MMP24: variants seen among roughly 807,000 people sequenced by gnomAD.
MMP24 encodes matrix metallopeptidase 24, also known as matrix metalloproteinase-24.
Under a neutral mutation model 62.8 loss-of-function variants are expected in MMP24, and 25 were observed. That is an observed-to-expected ratio of 0.40 (90% CI 0.29 to 0.56). The LOEUF is 0.56. MMP24 is among the 20% of genes least tolerant of loss of function. MMP24 has a pLI of 0.50. For synonymous variants in MMP24, 319 were observed against 350.5 expected (o/e 0.91, Z 1.00); for missense variants, 634 against 853.6 (o/e 0.74, Z 3.21).
intron 1 of MMP24, among the ~76,000 whole-genome samples, chr20:35,243,298 C>A (rs1175185721): frequency 6.6e-6 from 1 of 152,170 alleles, no homozygotes; most frequent in East Asian, 1.9e-4. Context: ...GAAGCCGTCC[C>A]TGAGTTCCCC....
intron 1 of MMP24, among the ~76,000 whole-genome samples, chr20:35,239,447 A>G (rs910352326): frequency 6.6e-6 from 1 of 152,180 alleles, no homozygotes; most frequent in African/African-American, 2.4e-5. Flanking sequence ...TACTTGGTAC[A>G]TAGTAGGTCC....
chr20:35,242,951 GTGT>G lies in MMP24; in HGVS notation c.247-3888_247-3886del, dbSNP rs1467240402. ...CCAGCACTTTGGGAGGCCAAGGCAG[GTGT>G]ATCACTTGAGGTCAGGAGTTCAAGA... On this transcript the variant is annotated intron_variant, in intron 1 of 8. Coordinates refer to ENST00000246186, the MANE Select transcript of MMP24 (RefSeq NM_006690.4). Among the ~76,000 whole-genome samples, 4 of 152,202 alleles carry G rather than the reference GTGT, an allele frequency of 2.6e-5. No individual in the cohort carries two copies. In the East Asian group the frequency reaches 7.7e-4, roughly 29 times the overall value.
intron 4 of MMP24, chr20:35,263,406 C>G (rs1012858068): frequency 1.9e-5 from 3 of 155,438 alleles, no homozygotes; most frequent in African/African-American, 7.3e-5. Context: ...CCCACCCTTC[C>G]TCTCCTGCCC....
Position 35,274,246 on chromosome 20 carries a change from G to A in MMP24, c.1601-26G>A, listed in dbSNP as rs181182578. 23 of 1,573,758 alleles carry A rather than the reference G, an allele frequency of 1.5e-5. No individual in the cohort carries two copies. In the East Asian group the frequency reaches 4.5e-4, roughly 31 times the overall value. On this transcript the variant is annotated intron_variant, in intron 8 of 8. Coordinates refer to ENST00000246186, the MANE Select transcript of MMP24 (RefSeq NM_006690.4). The surrounding 1 kb of genome is among the most constrained non-coding windows in gnomAD (Gnocchi z 5.1). ...GCAGGTGCCGGAAGTGTCTGGGAGTGGTGATGCTGGGCTGTATTTCTGCAG... is the reference window on the plus strand; with the variant it reads ...GCAGGTGCCGGAAGTGTCTGGGAGTAGTGATGCTGGGCTGTATTTCTGCAG...
rs1184598450 is a variant in MMP24 at position 35,276,935 on chromosome 20, T to A, written c.*2326T>A. 1 of 152,698 alleles carries A rather than the reference T, an allele frequency of 6.5e-6. No homozygotes were observed. Among genetic ancestry groups the A allele is most frequent in the African/African-American group, 2.4e-5 (1 of 41,448 alleles). 9.5% of individuals were successfully genotyped at this position (152,698 alleles called of 1,614,324 possible). A position where few individuals can be genotyped will look rare whatever the true frequency, so the allele number is the denominator to read the frequency against. ...CACAGCATTTCAGTGTCAGTCACAT[T>A]TTAAACTGATCAGCCTTTGTATAAT... On this transcript the variant is annotated 3_prime_UTR_variant, in exon 9 of 9. Transcript: ENST00000246186.
intron 1 of MMP24, among the ~76,000 whole-genome samples, chr20:35,229,956 G>A (rs1337546227): frequency 6.6e-6 from 1 of 151,880 alleles, no homozygotes. Flanking sequence ...GCCCCAGCCA[G>A]TTTGTCATTT....
intron 1 of MMP24, among the ~76,000 whole-genome samples, chr20:35,238,804 T>G (rs2060475310): frequency 6.6e-6 from 1 of 152,182 alleles, no homozygotes; most frequent in Non-Finnish European, 1.5e-5. Flanking sequence ...TCTCCATCTC[T>G]CCAACCGGCT....
At chr20:35,252,658 C>G (rs1182405586) in intron 3 of MMP24, among the ~76,000 whole-genome samples, 2 of 152,234 alleles carry the variant, frequency 1.3e-5, no homozygotes, top group African/African-American at 2.4e-5. Flanking sequence ...TCTGGAGGAA[C>G]CAAGGGCAGA....
chr20:35,233,091 T>G (rs974712711), intron 1 of MMP24, among the ~76,000 whole-genome samples: 6 of 152,092 alleles, frequency 3.9e-5, no homozygotes, highest in Non-Finnish European at 7.4e-5. Flanking sequence ...CCACAAACAC[T>G]TACGAGGCAT....
chr20:35,263,938 T>G lies in MMP24; in HGVS notation c.965T>G (p.Ile322Ser). Residue 322 changes from isoleucine to serine, a missense_variant, in exon 5 of 9, where the codon ATC (isoleucine) becomes AGC (serine). Transcript: ENST00000246186. ...CTGCCCCAGGACGATCTCCAGGGCA[T>G]CCAGAAGATCTATGGTGTGTGGCAG... ...FKLPQDDLQGIQKIYGPPAEP... is the reference protein window; with the variant it reads ...FKLPQDDLQGSQKIYGPPAEP... 1.2e-6 allele frequency: 2 copies of G among 1,608,880 alleles called. No individual in the cohort carries two copies. Among genetic ancestry groups the G allele is most frequent in the Non-Finnish European group, 1.7e-6 (2 of 1,177,326 alleles).
At chr20:35,240,388 C>G (rs1191011119) in intron 1 of MMP24, among the ~76,000 whole-genome samples, 1 of 152,006 alleles carries the variant, frequency 6.6e-6, no homozygotes, top group Admixed American at 6.6e-5. Context: ...TGAGATTTTT[C>G]TTACTTTCCT....
At chr20:35,231,200 A>G (rs2060435910) in intron 1 of MMP24, among the ~76,000 whole-genome samples, 1 of 152,236 alleles carries the variant, frequency 6.6e-6, no homozygotes, top group Non-Finnish European at 1.5e-5. Flanking sequence ...CAATTATCAC[A>G]GGCCACATGA....
chr20:35,242,794 A>C (rs1478168458), intron 1 of MMP24, among the ~76,000 whole-genome samples: 1 of 152,224 alleles, frequency 6.6e-6, no homozygotes, highest in Admixed American at 6.5e-5. Flanking sequence ...ACTTGACCGC[A>C]AAAGATGAAC....
At position 35,271,540 on chromosome 20, in the gene MMP24, A is replaced by G. The variant is rs2146243325; in HGVS notation, c.1334-29A>G. Reference sequence around the variant, plus strand: ...GCAAACGGCACTGAGTGACTGGGGAAGCTGATCCTGGGCTCCTCTTGGCCA... The same window carrying G: ...GCAAACGGCACTGAGTGACTGGGGAGGCTGATCCTGGGCTCCTCTTGGCCA... On this transcript the variant is annotated intron_variant, in intron 7 of 8. Transcript: ENST00000246186. This position sits in a 1 kb window ranked among gnomAD's most constrained non-coding sequence, Gnocchi z 4.0. 6.2e-7 allele frequency: 1 copy of G among 1,602,068 alleles called. No individual in the cohort carries two copies. Among genetic ancestry groups the G allele is most frequent in the Middle Eastern group, 1.7e-4 (1 of 6,008 alleles).
In MMP24 at chr20:35,267,316, C is replaced by T. The variant is rs1418231524; in HGVS notation, c.1091C>T (p.Pro364Leu). The change falls in exon 6 of 9, where the codon CCG (proline) becomes CTG (leucine). Residue 364 changes from proline (P) to leucine (L), a missense_variant. This residue lies in a region of MMP24 where 399 missense variants were observed against 530.8 expected (regional missense o/e 0.75). Transcript: ENST00000246186. The stretch of plus-strand genomic sequence containing the variant: ...GAGCGCCAGCCCAGGCCCCCTCGGC[C>T]GCCCCTCGGGGACCGGCCATCCACA... ...KHERQPRPPR[P>L]PLGDRPSTPG... 2.5e-6 allele frequency: 4 copies of T among 1,593,718 alleles called. No individual in the cohort carries two copies. The highest frequency in any genetic ancestry group is 3.4e-6 in the Non-Finnish European group (4 of 1,170,890).
intron 4 of MMP24, among the ~76,000 whole-genome samples, chr20:35,258,016 T>C (rs2060583352): frequency 6.6e-6 from 1 of 152,220 alleles, no homozygotes; most frequent in African/African-American, 2.4e-5. Flanking sequence ...GGGAACTTTT[T>C]GAACTTATTA....
At position 35,226,698 on chromosome 20, in the gene MMP24, C is replaced by CGGCGAA. The variant is rs1384081452; in HGVS notation, c.-37_-32dup. On this transcript the variant is annotated 5_prime_UTR_variant, in exon 1 of 9. Coordinates refer to ENST00000246186, the MANE Select transcript of MMP24 (RefSeq NM_006690.4). ...CTGGCGGCCGAGGCGGCGGCGGCGG[C>CGGCGAA]GGCGAAGGCAGGCGGGCCGGGCGCG... 2 of 442,064 alleles carry CGGCGAA rather than the reference C, an allele frequency of 4.5e-6. No homozygotes were observed. The highest frequency in any genetic ancestry group is 5.9e-6 in the Non-Finnish European group (2 of 337,860). The allele number at this position is 442,064 out of a possible 1,614,324, so 27.4% of individuals were successfully genotyped here. A position where few individuals can be genotyped will look rare whatever the true frequency, so the allele number is the denominator to read the frequency against.
intron 1 of MMP24, among the ~76,000 whole-genome samples, chr20:35,228,155 G>T (rs2047250432): frequency 6.6e-6 from 1 of 152,114 alleles, no homozygotes; most frequent in African/African-American, 2.4e-5. Context: ...TTCTTAATTG[G>T]GCATGGAGCT....
At chr20:35,261,165 C>T (rs916972772) in intron 4 of MMP24, among the ~76,000 whole-genome samples, 5 of 152,182 alleles carry the variant, frequency 3.3e-5, no homozygotes, top group Admixed American at 1.3e-4. Context: ...CCCAAAGCTG[C>T]GGTTACTTCA....
Sources: gnomAD v4.1 joint callset for allele counts (sites outside exome capture counted in the v4.1 genomes callset) on GRCh38, gnomAD v4.1.1 for gene constraint, gnomAD v4.1.1 regional missense constraint, Gnocchi (gnomAD v3.1) non-coding constraint, MANE v1.5 for transcripts, NCBI Gene and HGNC (gene_info 2026-07-23, HGNC 2026-07-21) for gene names.